The following LRP2 variants were observed in gnomAD, a reference collection of about 807,000 sequenced individuals.
The protein encoded by LRP2 is low-density lipoprotein receptor-related protein 2.
Under a neutral mutation model 531.0 loss-of-function variants are expected in LRP2, and 172 were observed. That is an observed-to-expected ratio of 0.32 (90% CI 0.29 to 0.37). The LOEUF (loss-of-function observed/expected upper bound fraction) is 0.37, where lower values mean the gene tolerates loss of function less well. Ranked by LOEUF, LRP2 falls within the 10% of genes least tolerant of loss-of-function variation. LRP2 has a pLI of 1.00. For synonymous variants in LRP2, 1,992 were observed against 2,027.6 expected, an observed-to-expected ratio of 0.98 and a Z score of 0.47; for missense variants, 5,167 against 5,868.3, an observed-to-expected ratio of 0.88 and a Z score of 3.90.
chr2:169,148,310 A>G (rs1018551971), intron 68 of LRP2, among the ~76,000 whole-genome samples: 3 of 151,980 alleles, frequency 2.0e-5, no homozygotes, highest in Non-Finnish European at 4.4e-5. Flanking sequence ...TGAGGGCAGG[A>G]AAATGGTGGC....
At chr2:169,334,164 G>A (rs1685340400) in intron 1 of LRP2, among the ~76,000 whole-genome samples, 2 of 152,090 alleles carry the variant, frequency 1.3e-5, no homozygotes, top group Non-Finnish European at 2.9e-5. Context: ...CCTAATCTGT[G>A]TTTTAAATAT....
At chr2:169,155,501 C>T (rs893458487) in intron 65 of LRP2, among the ~76,000 whole-genome samples, 3 of 152,142 alleles carry the variant, frequency 2.0e-5, no homozygotes, top group Non-Finnish European at 2.9e-5. Flanking sequence ...AATTGAACAG[C>T]CATTTTGGCC....
rs149259672 is a variant in LRP2, at chr2:169,205,567, C to T, written c.7627G>A (p.Val2543Ile). The T allele has an allele frequency of 1.4e-4, 220 of 1,613,900 alleles. No homozygotes were observed. The highest frequency in any genetic ancestry group is 1.8e-4 in the Non-Finnish European group (207 of 1,179,992). ...ACCAGACTGCTGTTCACAATGGGTA[C>T]GCGGAAGTTTCCTCCCAATGTGGCT... ...ERATLGGNFR[V>I]PIVNSSLVMP... Residue 2543 changes from valine (V) to isoleucine (I), a missense_variant, in exon 41 of 79, where the codon GTA becomes ATA. By Grantham distance (29) the Val-to-Ile change is conservative. Coordinates refer to ENST00000649046, the MANE Select transcript of LRP2 (RefSeq NM_004525.3).
intron 40 of LRP2, 69 bp downstream of exon 40, chr2:169,205,954 C>A: frequency 6.3e-7 from 1 of 1,585,442 alleles, no homozygotes; most frequent in Non-Finnish European, 8.7e-7. Flanking sequence ...TATCTATGAA[C>A]ATAATTTCAG....
rs370823033 is a variant in LRP2 at position 169,294,717 on chromosome 2, T to TA, written c.428-8dup. 627 of 741,958 alleles carry TA rather than the reference T, an allele frequency of 8.5e-4. No individual in the cohort carries two copies. Among genetic ancestry groups the TA allele is most frequent in the African/African-American group, 6.7e-3 (284 of 42,190 alleles). The allele number at this position is 741,958 out of a possible 1,614,324, so 46.0% of individuals were successfully genotyped here. A position where few individuals can be genotyped will look rare whatever the true frequency, so the allele number is the denominator to read the frequency against. On this transcript the variant is annotated splice_polypyrimidine_tract_variant and splice_region_variant and intron_variant, in intron 4 of 78. Coordinates refer to ENST00000649046, the MANE Select transcript of LRP2 (RefSeq NM_004525.3). ...TGCTCACATGTTGGGTACTCTATTG[T>TA]AAAAAAAAAAAAAAAAAAAAAAAGG...
At chr2:169,302,389 C>A (rs1337037163) in intron 4 of LRP2, among the ~76,000 whole-genome samples, 1 of 152,102 alleles carries the variant, frequency 6.6e-6, no homozygotes, top group East Asian at 1.9e-4. Flanking sequence ...TCCCTTGTTT[C>A]CCCACCAAGA....
At position 169,165,943 on chromosome 2, in the gene LRP2, G is replaced by A; in HGVS notation, c.11747C>T (p.Thr3916Ile). 6.2e-7 allele frequency: 1 copy of A among 1,613,938 alleles called. No homozygotes were observed. Among genetic ancestry groups the A allele is most frequent in the Non-Finnish European group, 8.5e-7 (1 of 1,179,910 alleles). ...TGACTTTTGCTTACAGTGCTCCTCT[G>A]TCTCATCAGTTCCATCTCCACAGTC... is the stretch of plus-strand genomic sequence containing the variant. ...VDDCGDGTDETEEHCRKPTPK... is the reference protein window; with the variant it reads ...VDDCGDGTDEIEEHCRKPTPK... Residue 3916 changes from threonine to isoleucine, a missense_variant, in exon 62 of 79, where the codon ACA (threonine) becomes ATA (isoleucine). Thr to Ile is a moderately conservative substitution (Grantham distance 89, BLOSUM62 -1). Around this residue, in one of 6 missense-constraint regions of LRP2, gnomAD observed 564 missense variants for 747.7 expected, o/e 0.75. Coordinates refer to ENST00000649046, the MANE Select transcript of LRP2 (RefSeq NM_004525.3).
Position 169,162,509 on chromosome 2 carries a change from G to A in LRP2, c.11850C>T (p.Ala3950=), listed in dbSNP as rs765289317. 3.5e-5 allele frequency: 57 copies of A among 1,613,994 alleles called. No individual in the cohort carries two copies. Among genetic ancestry groups the A allele is most frequent in the Non-Finnish European group, 3.1e-5 (37 of 1,180,026 alleles). ...CATCGGACCAGTCACCACAGTCATC[G>A]GCATCATCACACACATTGTCATGTG... The part of the protein sequence containing the change: ...CIPHDNVCDD[A]DDCGDWSDEL... The change falls in exon 63 of 79, where the codon GCC becomes GCT. Residue 3950 remains alanine, a synonymous_variant. Coordinates refer to ENST00000649046, the MANE Select transcript of LRP2 (RefSeq NM_004525.3).
chr2:169,201,068 GA>G (rs1688187934), intron 44 of LRP2, among the ~76,000 whole-genome samples: 1 of 152,192 alleles, frequency 6.6e-6, no homozygotes, highest in Admixed American at 6.5e-5. Flanking sequence ...AAATAAGAGG[GA>G]TAAGATAAAT....
chr2:169,269,555 A>G (rs1683342404), intron 16 of LRP2, among the ~76,000 whole-genome samples: 1 of 152,216 alleles, frequency 6.6e-6, no homozygotes, highest in Non-Finnish European at 1.5e-5. Flanking sequence ...AGCCATATTT[A>G]GAAAGCTGAA....
At chr2:169,263,351 C>A (rs1341819218) in intron 16 of LRP2, among the ~76,000 whole-genome samples, 2 of 151,826 alleles carry the variant, frequency 1.3e-5, no homozygotes, top group Non-Finnish European at 2.9e-5. Context: ...ACTCATCTGA[C>A]AAAGGGCTAA....
At chr2:169,271,299 G>A (rs547257044) in intron 15 of LRP2, among the ~76,000 whole-genome samples, 192 bp from the exon 16 acceptor site, 1 of 152,026 alleles carries the variant, frequency 6.6e-6, no homozygotes, top group Admixed American at 6.6e-5. Flanking sequence ...CAACTATGAG[G>A]GAGATACAAG....
intron 52 of LRP2, 72 bp downstream of exon 52, chr2:169,181,376 G>A: frequency 6.8e-7 from 1 of 1,473,230 alleles, no homozygotes; most frequent in South Asian, 1.1e-5. Flanking sequence ...GGGACTAATA[G>A]ACTGGAATCA....
chr2:169,161,723 C>T (rs543789225), intron 63 of LRP2, among the ~76,000 whole-genome samples: 4 of 152,176 alleles, frequency 2.6e-5, no homozygotes, highest in Non-Finnish European at 5.9e-5. Context: ...ATTTGTCTGC[C>T]TCGGCCTCCC....
rs57451386 is a variant in LRP2 at position 169,170,921 on chromosome 2, G to GTTTTT, written c.11264-259_11264-255dup. The stretch of plus-strand genomic sequence containing the variant: ...TCTTTCTCTCTTGCTCTCTCTCTCT[G>GTTTTT]TTTTTTTTTTTTTTTTTTTTTTTGA... On this transcript the variant is annotated intron_variant, in intron 58 of 78. Coordinates refer to ENST00000649046, the MANE Select transcript of LRP2 (RefSeq NM_004525.3). Among the ~76,000 whole-genome samples the GTTTTT allele has an allele frequency of 3.5e-3, 319 of 91,870 alleles. 31 individuals carry two copies. The highest frequency in any genetic ancestry group is 4.1e-3 in the African/African-American group (95 of 23,180). 60.3% of individuals were successfully genotyped at this position (91,870 alleles called of 152,430 possible).
intron 23 of LRP2, 96 bp from the exon 24 acceptor site, chr2:169,243,168 G>C (rs906037712): frequency 9.5e-7 from 1 of 1,052,370 alleles, no homozygotes. Context: ...TTAAGTTCTG[G>C]AGTACATATG....
intron 32 of LRP2, among the ~76,000 whole-genome samples, chr2:169,225,770 T>C (rs1391324727): frequency 6.6e-6 from 1 of 152,206 alleles, no homozygotes; most frequent in Non-Finnish European, 1.5e-5. Context: ...GTATATTTTG[T>C]ATATAGGTGA....
chr2:169,189,985 C>T (rs980249071), intron 48 of LRP2, among the ~76,000 whole-genome samples: 21 of 152,158 alleles, frequency 1.4e-4, no homozygotes, highest in African/African-American at 5.1e-4. Context: ...ACCCAGAAAG[C>T]TCAGAATGGG....
In LRP2 at chr2:169,272,997, A is replaced by T; in HGVS notation, c.2046T>A (p.Asn682Lys). Residue 682 changes from asparagine to lysine, a missense_variant, in exon 15 of 79, where the codon AAT becomes AAA. Physicochemically the swap from Asn to Lys is moderately conservative, Grantham distance 94 (BLOSUM62 0). This residue lies in a region of LRP2 where 2,811 missense variants were observed against 3,058.0 expected (regional missense o/e 0.92). Transcript: ENST00000649046. ...ACTTGCAACGGAAACCCAAACCATCATTATCTGTTCTGTGGCTGAGGACAC... is the reference window on the plus strand; with the variant it reads ...ACTTGCAACGGAAACCCAAACCATCTTTATCTGTTCTGTGGCTGAGGACAC... ...QVCVLSHRTD[N>K]DGLGFRCKCT... 1 of 1,613,754 alleles carries T rather than the reference A, an allele frequency of 6.2e-7. No individual in the cohort carries two copies. The highest frequency in any genetic ancestry group is 8.5e-7 in the Non-Finnish European group (1 of 1,179,790).
Sources: gnomAD v4.1 joint callset for allele counts (sites outside exome capture counted in the v4.1 genomes callset) on GRCh38, gnomAD v4.1.1 for gene constraint, gnomAD v4.1.1 regional missense constraint, MANE v1.5 for transcripts, NCBI Gene and HGNC (gene_info 2026-07-23, HGNC 2026-07-21) for gene names.